PDE8B: variants seen among roughly 807,000 people sequenced by gnomAD.
PDE8B encodes phosphodiesterase 8B.
Under a neutral mutation model 101.3 loss-of-function variants are expected in PDE8B, and 26 were observed. That is an observed-to-expected ratio of 0.26 (90% CI 0.19 to 0.36). The LOEUF (loss-of-function observed/expected upper bound fraction) is 0.36. Ranked by LOEUF, PDE8B falls within the 10% of genes least tolerant of loss-of-function variation. The pLI is 1.00. For missense variants in PDE8B, 810 were observed against 1,163.1 expected, an observed-to-expected ratio of 0.70 and a Z score of 4.42; for synonymous variants, 424 against 429.3, an observed-to-expected ratio of 0.99 and a Z score of 0.15.
chr5:77,368,550 C>T (rs1437542676), intron 10 of PDE8B, among the ~76,000 whole-genome samples: 1 of 152,310 alleles, frequency 6.6e-6, no homozygotes. Context: ...CACTTGCTGG[C>T]TGCGTCACAC....
At chr5:77,159,668 G>A in the PDE8B span, among the ~76,000 whole-genome samples, 1 of 152,166 alleles carries the variant, frequency 6.6e-6, no homozygotes, top group Admixed American at 6.5e-5. Flanking sequence ...GATTACTACA[G>A]GTAGCCCCTG....
intron 10 of PDE8B, among the ~76,000 whole-genome samples, chr5:77,356,650 G>A (rs1782157813): frequency 6.6e-6 from 1 of 152,082 alleles, no homozygotes; most frequent in African/African-American, 2.4e-5. Context: ...GGCTGGTCTT[G>A]AACTCCTGAC....
intron 1 of PDE8B, among the ~76,000 whole-genome samples, chr5:77,240,971 T>G (rs1755650953): frequency 6.6e-6 from 1 of 152,258 alleles, no homozygotes; most frequent in Non-Finnish European, 1.5e-5. Flanking sequence ...CAGATTGCTA[T>G]TCATTTTAGT....
At chr5:77,307,435 GAT>G (rs1035867371) in intron 1 of PDE8B, among the ~76,000 whole-genome samples, 2 of 152,182 alleles carry the variant, frequency 1.3e-5, no homozygotes, top group Non-Finnish European at 2.9e-5. Flanking sequence ...AAAAGTGAGT[GAT>G]AGACGTTTAC....
chr5:77,271,038 C>G (rs1335071913), intron 1 of PDE8B, among the ~76,000 whole-genome samples: 1 of 152,182 alleles, frequency 6.6e-6, no homozygotes, highest in Non-Finnish European at 1.5e-5. Flanking sequence ...GGGACACTGG[C>G]TAAGCTCCCA....
chr5:77,122,127 TGCTTTCCTGATG>T, the PDE8B span, among the ~76,000 whole-genome samples: 3 of 152,248 alleles, frequency 2.0e-5, no homozygotes, highest in African/African-American at 7.2e-5. Flanking sequence ...TGATGTAGGT[TGCTTTCCTGATG>T]GCTGACTCAA....
chr5:77,337,175 C>A, intron 5 of PDE8B, 52 bp from the exon 6 acceptor site: 1 of 984,758 alleles, frequency 1.0e-6, no homozygotes. Flanking sequence ...CTATTTGACT[C>A]TCTAAGAAGT....
At chr5:77,291,169 G>A (rs251412) in intron 1 of PDE8B, 313,616 of 1,609,022 alleles carry the variant, frequency 0.19, 32,291 homozygotes, top group Non-Finnish European at 0.21. Flanking sequence ...GCTGGCCAGA[G>A]GTGTACCACT....
At position 77,416,829 on chromosome 5, in the gene PDE8B, T is replaced by C. The variant is rs887395963; in HGVS notation, c.1912-1400T>C. On this transcript the variant is annotated intron_variant, in intron 17 of 21. Coordinates refer to ENST00000264917, the MANE Select transcript of PDE8B (RefSeq NM_003719.5). ...CCTCCTGCAGGCCTAGGAGAGCAAATTCTGGGAATACCAAAAATGATGACC... is the reference window on the plus strand; with the variant it reads ...CCTCCTGCAGGCCTAGGAGAGCAAACTCTGGGAATACCAAAAATGATGACC... Among the ~76,000 whole-genome samples, 4 of 152,208 alleles carry C rather than the reference T, an allele frequency of 2.6e-5. No individual in the cohort carries two copies. The South Asian group carries it at 8.3e-4, about 32-fold the overall frequency.
rs1580329901 is a variant in PDE8B at position 77,211,089 on chromosome 5, C to T, written c.164C>T (p.Pro55Leu). 3 of 1,495,264 alleles carry T rather than the reference C, an allele frequency of 2.0e-6. No homozygotes were observed. The highest frequency in any genetic ancestry group is 1.2e-5 in the South Asian group (1 of 80,060). 92.6% of individuals were successfully genotyped at this position (1,495,264 alleles called of 1,614,324 possible). A position where few individuals can be genotyped will look rare whatever the true frequency, so the allele number is the denominator to read the frequency against. Residue 55 changes from proline to leucine, a missense_variant, in exon 1 of 22, where the codon CCG (proline) becomes CTG (leucine). By Grantham distance (98) the Pro-to-Leu change is moderately conservative. Transcript: ENST00000264917. The surrounding 1 kb of genome is among the most constrained non-coding windows in gnomAD (Gnocchi z 4.1). ...ACCGACGCCGCCGACGCCATCCCCC[C>T]GAGCCGCGCGTCGGGACCCCCCAGC... is the stretch of plus-strand genomic sequence containing the variant. ...VQTDAADAIP[P>L]SRASGPPSVA...
At chr5:77,274,889 C>T (rs1423827592) in intron 1 of PDE8B, among the ~76,000 whole-genome samples, 4 of 152,022 alleles carry the variant, frequency 2.6e-5, no homozygotes, top group Admixed American at 6.6e-5. Context: ...TTCATATATA[C>T]GTTTCAGAGA....
chr5:77,228,264 GT>G (rs1752841346), intron 1 of PDE8B, among the ~76,000 whole-genome samples: 1 of 152,190 alleles, frequency 6.6e-6, no homozygotes, highest in Non-Finnish European at 1.5e-5. Context: ...AAGAGAGACA[GT>G]CTCTTTTATC....
At chr5:77,409,167 T>C (rs1581544909) in intron 14 of PDE8B, 110 bp downstream of exon 14, 2 of 869,314 alleles carry the variant, frequency 2.3e-6, no homozygotes, top group East Asian at 5.0e-5. Context: ...TTATATAGAC[T>C]AACGTTAGCA....
intron 6 of PDE8B, among the ~76,000 whole-genome samples, chr5:77,342,672 C>T (rs1015363489): frequency 2.6e-5 from 4 of 152,028 alleles, no homozygotes; most frequent in African/African-American, 9.7e-5. Flanking sequence ...AAATAGCTTA[C>T]TGTATTTGGA....
chr5:77,422,765 G>A (rs1449431807), intron 20 of PDE8B, among the ~76,000 whole-genome samples: 3 of 152,162 alleles, frequency 2.0e-5, no homozygotes, highest in Non-Finnish European at 4.4e-5. Flanking sequence ...AGTGAATTTT[G>A]TGGGGTCTGC....
At chr5:77,353,440 G>A (rs780167744) in intron 10 of PDE8B, 34 bp downstream of exon 10, 1 of 1,233,228 alleles carries the variant, frequency 8.1e-7, no homozygotes, top group South Asian at 1.2e-5. Flanking sequence ...TGCTCTGTCT[G>A]TTTGGCCATG....
chr5:77,096,938 A>G, the PDE8B span, among the ~76,000 whole-genome samples: 2 of 152,250 alleles, frequency 1.3e-5, no homozygotes, highest in Non-Finnish European at 2.9e-5. Context: ...GGACTTCAAC[A>G]GATCTTTTGC....
At chr5:77,385,218 A>G (rs1014098052) in intron 10 of PDE8B, among the ~76,000 whole-genome samples, 34 of 152,310 alleles carry the variant, frequency 2.2e-4, no homozygotes, top group African/African-American at 8.2e-4. Context: ...GTATGTGTCC[A>G]GGAATTTATC....
intron 10 of PDE8B, among the ~76,000 whole-genome samples, chr5:77,375,573 C>G (rs886737308): frequency 6.6e-6 from 1 of 152,080 alleles, no homozygotes; most frequent in Non-Finnish European, 1.5e-5. Context: ...CCACCTGTGC[C>G]CATCTCCCCT....
Sources: allele counts gnomAD v4.1 joint callset (sites outside exome capture counted in the v4.1 genomes callset), GRCh38; gene constraint gnomAD v4.1.1; non-coding constraint Gnocchi (gnomAD v3.1); transcripts MANE v1.5; gene names NCBI Gene and HGNC (gene_info 2026-07-23, HGNC 2026-07-21).